The following CRIM1 variants were observed in gnomAD, a reference collection of about 807,000 sequenced individuals.
CRIM1 encodes the protein cysteine-rich motor neuron 1 protein.
In CRIM1, 32 loss-of-function variants were observed where a neutral mutation model predicts 116.4. The ratio of observed to expected loss-of-function variants is 0.27; its 90% CI spans 0.21 to 0.37. The LOEUF is 0.37. CRIM1 is among the 10% of genes least tolerant of loss of function. The probability of loss-of-function intolerance (pLI) is 1.00; values close to 1 mark genes in which losing one functional copy is unlikely to be tolerated. For missense variants in CRIM1, 1,331 were observed against 1,354.8 expected (o/e 0.98, Z 0.28); for synonymous variants, 590 against 509.2 (o/e 1.16, Z -2.13).
intron 1 of CRIM1, among the ~76,000 whole-genome samples, chr2:36,359,491 C>T (rs919008842): frequency 1.3e-5 from 2 of 152,168 alleles, no homozygotes; most frequent in Non-Finnish European, 2.9e-5. Context: ...GGGCCCCTTT[C>T]AGCTTGTGGC....
chr2:36,373,494 T>C (rs192947667), intron 1 of CRIM1, among the ~76,000 whole-genome samples: 2 of 152,342 alleles, frequency 1.3e-5, no homozygotes, highest in African/African-American at 4.8e-5. Flanking sequence ...AACCAGCCTT[T>C]GACTGGCCTA....
rs145410862 is a variant in CRIM1, at chr2:36,517,510, G to A, written c.2174G>A (p.Arg725His). The A allele has an allele frequency of 2.5e-6, 4 of 1,613,860 alleles. No homozygotes were observed. Among genetic ancestry groups the A allele is most frequent in the Admixed American group, 1.7e-5 (1 of 60,002 alleles). Residue 725 changes from arginine to histidine, a missense_variant, in exon 12 of 17, where the codon CGC becomes CAC. Coordinates refer to ENST00000280527, the MANE Select transcript of CRIM1 (RefSeq NM_016441.3). The part of the protein sequence containing the change: ...CPPLLCQNPS[R>H]TQDSCCPQCT... ...CCGCTGCTCTGCCAGAACCCCTCAC[G>A]CACCCAGGATTCCTGCTGCCCACAG...
chr2:36,441,254 T>C lies in CRIM1; in HGVS notation c.506-4T>C, dbSNP rs1253278250. 6.2e-7 allele frequency: 1 copy of C among 1,614,058 alleles called. No homozygotes were observed. The highest frequency in any genetic ancestry group is 8.5e-7 in the Non-Finnish European group (1 of 1,180,006). The stretch of plus-strand genomic sequence containing the variant: ...ATAAGCTAAATTCTTTCTCTCCCTT[T>C]TAGAAGAGAAGCCAGATTGCTCCAA... On this transcript the variant is annotated splice_region_variant and splice_polypyrimidine_tract_variant and intron_variant, in intron 2 of 16. Transcript: ENST00000280527.
At chr2:36,535,849 A>G (rs530164527) in intron 13 of CRIM1, among the ~76,000 whole-genome samples, 27 of 152,268 alleles carry the variant, frequency 1.8e-4, no homozygotes, top group Non-Finnish European at 4.0e-4. Context: ...AACTATTTAC[A>G]TAGCATTTAC....
At chr2:36,441,591 C>T (rs762197350) in intron 3 of CRIM1, 91 bp downstream of exon 3, 23 of 1,477,660 alleles carry the variant, frequency 1.6e-5, no homozygotes, top group East Asian at 6.8e-5. Context: ...TCCTTTCACA[C>T]GAAGATGGGC....
At chr2:36,414,945 G>T (rs1158965325) in intron 2 of CRIM1, among the ~76,000 whole-genome samples, 1 of 152,172 alleles carries the variant, frequency 6.6e-6, no homozygotes, top group Non-Finnish European at 1.5e-5. Context: ...CCCTTTTTAA[G>T]ATCAACTGTG....
intron 2 of CRIM1, among the ~76,000 whole-genome samples, chr2:36,429,587 A>T (rs763124546): frequency 6.6e-6 from 1 of 152,240 alleles, no homozygotes; most frequent in Non-Finnish European, 1.5e-5. Flanking sequence ...AGAGACCAGC[A>T]CACAGAAAGA....
chr2:36,398,041 A>G (rs923508758), intron 2 of CRIM1, among the ~76,000 whole-genome samples: 1 of 151,982 alleles, frequency 6.6e-6, no homozygotes, highest in African/African-American at 2.4e-5. Flanking sequence ...TGCTCCCCAC[A>G]CCCATTGCCT....
At chr2:36,517,837 A>G (rs1326930304) in intron 12 of CRIM1, among the ~76,000 whole-genome samples, 1 of 152,264 alleles carries the variant, frequency 6.6e-6, no homozygotes, top group East Asian at 1.9e-4. Context: ...ATACCTAAGT[A>G]GAGAAAGTCC....
intron 4 of CRIM1, among the ~76,000 whole-genome samples, chr2:36,459,497 C>T (rs1001866812): frequency 6.6e-6 from 1 of 152,134 alleles, no homozygotes; most frequent in Admixed American, 6.5e-5. Flanking sequence ...ACAAGTAAGA[C>T]ATGCCCCCTG....
chr2:36,414,962 A>G (rs1190565339), intron 2 of CRIM1, among the ~76,000 whole-genome samples: 1 of 152,226 alleles, frequency 6.6e-6, no homozygotes, highest in African/African-American at 2.4e-5. Flanking sequence ...TGTGGCTGCC[A>G]TGTGGAAAAT....
intron 13 of CRIM1, chr2:36,531,780 A>G (rs1666136887): frequency 2.5e-6 from 1 of 394,942 alleles, no homozygotes; most frequent in East Asian, 7.6e-5. Flanking sequence ...GGGAACCCAC[A>G]CTGAATTTTC....
chr2:36,473,301 T>C (rs1277915973), intron 5 of CRIM1, among the ~76,000 whole-genome samples: 1 of 152,204 alleles, frequency 6.6e-6, no homozygotes, highest in African/African-American at 2.4e-5. Flanking sequence ...CACCGGCAGA[T>C]TGAGCAGGGC....
rs1210723398 is a variant in CRIM1, at chr2:36,356,678, G to T, written c.331+55G>T. 3.3e-6 allele frequency: 5 copies of T among 1,523,270 alleles called. No homozygotes were observed. The South Asian group carries it at 3.7e-5, about 11-fold the overall frequency. The allele number at this position is 1,523,270 out of a possible 1,614,324, so 94.4% of individuals were successfully genotyped here. A position where few individuals can be genotyped will look rare whatever the true frequency, so the allele number is the denominator to read the frequency against. On this transcript the variant is annotated intron_variant, in intron 1 of 16. Coordinates refer to ENST00000280527, the MANE Select transcript of CRIM1 (RefSeq NM_016441.3). This position sits in a 1 kb window ranked among gnomAD's most constrained non-coding sequence, Gnocchi z 4.3. The stretch of plus-strand genomic sequence containing the variant: ...ACCTGGCCTGCGCCGCCCCCTCGGC[G>T]CTGGTTGTGCCGAACAAAGTTTGGG...
chr2:36,514,934 T>C (rs1390434434), intron 11 of CRIM1, among the ~76,000 whole-genome samples: 1 of 152,314 alleles, frequency 6.6e-6, no homozygotes, highest in East Asian at 1.9e-4. Flanking sequence ...AGATGACTCT[T>C]TTTATTTTGT....
intron 13 of CRIM1, among the ~76,000 whole-genome samples, chr2:36,527,504 T>C (rs1405879291): frequency 6.6e-6 from 1 of 152,160 alleles, no homozygotes; most frequent in East Asian, 1.9e-4. Context: ...ATACTGTCAC[T>C]GTATAGTGAT....
intron 2 of CRIM1, among the ~76,000 whole-genome samples, chr2:36,420,214 A>G (rs1240153858): frequency 1.3e-5 from 2 of 152,106 alleles, no homozygotes; most frequent in Non-Finnish European, 2.9e-5. Flanking sequence ...TTAAAAACAA[A>G]TCTCCTATTT....
intron 1 of CRIM1, among the ~76,000 whole-genome samples, chr2:36,379,532 G>C (rs555136979): frequency 1.3e-4 from 20 of 152,130 alleles, no homozygotes; most frequent in Non-Finnish European, 1.5e-5. Context: ...GAAGAGCAGC[G>C]TGCAGAGGTA....
intron 1 of CRIM1, among the ~76,000 whole-genome samples, chr2:36,389,984 A>G (rs1671451914): frequency 6.6e-6 from 1 of 152,116 alleles, no homozygotes; most frequent in Non-Finnish European, 1.5e-5. Flanking sequence ...CTCATGCTTC[A>G]TATCCTTCTC....
Sources: gnomAD v4.1 joint callset for allele counts (sites outside exome capture counted in the v4.1 genomes callset) on GRCh38, gnomAD v4.1.1 for gene constraint, Gnocchi (gnomAD v3.1) non-coding constraint, MANE v1.5 for transcripts, NCBI Gene and HGNC (gene_info 2026-07-23, HGNC 2026-07-21) for gene names.